Variants in MTUS2 observed in about 807,000 individuals in gnomAD.
MTUS2 encodes microtubule-associated tumor suppressor candidate 2.
Under a neutral mutation model 114.1 loss-of-function variants are expected in MTUS2, and 40 were observed. The ratio of observed to expected loss-of-function variants is 0.35; its 90% CI spans 0.27 to 0.46. MTUS2 has a LOEUF of 0.46. MTUS2 is among the 20% of genes least tolerant of loss of function. The pLI is 1.00. For missense variants in MTUS2, 1,679 were observed against 1,705.4 expected (o/e 0.98, Z 0.27); for synonymous variants, 688 against 672.0 (o/e 1.02, Z -0.37).
chr13:29,257,165 A>G (rs1897307053), intron 5 of MTUS2, among the ~76,000 whole-genome samples: 1 of 152,070 alleles, frequency 6.6e-6, no homozygotes, highest in South Asian at 2.1e-4. Context: ...CCCTATTCAA[A>G]TCCATTTTCC....
At chr13:28,821,935 G>A (rs370418603) in intron 1 of MTUS2, among the ~76,000 whole-genome samples, 5 of 152,132 alleles carry the variant, frequency 3.3e-5, no homozygotes, top group African/African-American at 1.2e-4. Context: ...TGTTTATTAG[G>A]GACCCATAAT....
At chr13:28,824,615 C>G (rs1312087921) in intron 1 of MTUS2, among the ~76,000 whole-genome samples, 1 of 152,080 alleles carries the variant, frequency 6.6e-6, no homozygotes, top group African/African-American at 2.4e-5. Context: ...CTTTCTCTCA[C>G]TGCAGTTGTA....
intron 7 of MTUS2, among the ~76,000 whole-genome samples, chr13:29,346,381 G>A (rs1442040887): frequency 6.6e-6 from 1 of 152,136 alleles, no homozygotes; most frequent in African/African-American, 2.4e-5. Context: ...GCTTCCTGTG[G>A]CTGTTGTGGA....
At chr13:28,854,737 A>G (rs1271886023) in intron 2 of MTUS2, among the ~76,000 whole-genome samples, 1 of 152,184 alleles carries the variant, frequency 6.6e-6, no homozygotes. Context: ...AAAACCAGCT[A>G]TATTCCGCTT....
intron 2 of MTUS2, among the ~76,000 whole-genome samples, chr13:28,899,840 T>C (rs1390052734): frequency 6.6e-6 from 1 of 152,148 alleles, no homozygotes; most frequent in Non-Finnish European, 1.5e-5. Flanking sequence ...GGCTGCCCGA[T>C]TCATGAATTG....
At chr13:28,926,147 G>A (rs754776668) in intron 2 of MTUS2, among the ~76,000 whole-genome samples, 7 of 152,126 alleles carry the variant, frequency 4.6e-5, no homozygotes, top group Non-Finnish European at 7.3e-5. Context: ...TCAAATTGGA[G>A]GCAAGCTATT....
intron 5 of MTUS2, among the ~76,000 whole-genome samples, chr13:29,162,268 G>T (rs1282152260): frequency 6.6e-6 from 1 of 152,188 alleles, no homozygotes; most frequent in Non-Finnish European, 1.5e-5. Flanking sequence ...CAGGGTCTGG[G>T]TGAACGTGAA....
chr13:29,041,444 C>T (rs1328267368), intron 4 of MTUS2, among the ~76,000 whole-genome samples: 1 of 152,042 alleles, frequency 6.6e-6, no homozygotes, highest in Non-Finnish European at 1.5e-5. Context: ...TTTTTTGGTT[C>T]TATATGAATT....
intron 6 of MTUS2, among the ~76,000 whole-genome samples, chr13:29,304,551 A>T (rs1385713457): frequency 1.3e-5 from 2 of 152,248 alleles, no homozygotes; most frequent in Non-Finnish European, 2.9e-5. Context: ...AGGGCATTAC[A>T]TAATGGTAAA....
chr13:29,011,333 T>C (rs1407416508), intron 2 of MTUS2, among the ~76,000 whole-genome samples: 2 of 152,358 alleles, frequency 1.3e-5, no homozygotes, highest in African/African-American at 4.8e-5. Flanking sequence ...CTAAACGCCA[T>C]CCTGAAAATG....
chr13:29,239,644 G>A (rs1896662062), intron 5 of MTUS2: 1 of 152,210 alleles, frequency 6.6e-6, no homozygotes, highest in South Asian at 2.1e-4. Flanking sequence ...ACAGAACTGT[G>A]ATGTAATGGA....
chr13:29,148,212 T>C lies in MTUS2; in HGVS notation c.2644+47242T>C, dbSNP rs562629030. Among the ~76,000 whole-genome samples, 295 of 152,228 alleles carry C rather than the reference T, an allele frequency of 1.9e-3. 2 individuals are homozygous for C. The highest frequency in any genetic ancestry group is 6.3e-3 in the African/African-American group (263 of 41,530). On this transcript the variant is annotated intron_variant, in intron 5 of 15. Transcript: ENST00000612955. Reference sequence around the variant, plus strand: ...TAGTGATGTTGAGCTTTTTTTTTTTTTCATTTCCAACTTTTATTTTAAGTG... The same window carrying C: ...TAGTGATGTTGAGCTTTTTTTTTTTCTCATTTCCAACTTTTATTTTAAGTG...
At chr13:29,103,708 T>A (rs1406671710) in intron 5 of MTUS2, among the ~76,000 whole-genome samples, 1 of 152,230 alleles carries the variant, frequency 6.6e-6, no homozygotes, top group Non-Finnish European at 1.5e-5. Context: ...AAGACGTCAC[T>A]AGGCAATAGG....
At chr13:28,877,211 A>G (rs1593264467) in intron 2 of MTUS2, among the ~76,000 whole-genome samples, 2 of 151,100 alleles carry the variant, frequency 1.3e-5, no homozygotes, top group African/African-American at 2.4e-5. Context: ...CCAGCTACTC[A>G]GGAGGCTGAG....
intron 7 of MTUS2, among the ~76,000 whole-genome samples, chr13:29,349,090 C>CTTTCT (rs1389480855): frequency 6.6e-6 from 1 of 151,888 alleles, no homozygotes; most frequent in African/African-American, 2.4e-5. Flanking sequence ...CCCATATGTT[C>CTTTCT]TTTCTTTTCT....
chr13:29,335,363 G>A (rs1165892806), intron 7 of MTUS2, among the ~76,000 whole-genome samples: 2 of 152,150 alleles, frequency 1.3e-5, no homozygotes, highest in African/African-American at 4.8e-5. Flanking sequence ...CCTGTCTCCT[G>A]ATAAGATGTT....
intron 2 of MTUS2, among the ~76,000 whole-genome samples, chr13:28,895,483 A>G (rs979113564): frequency 3.9e-5 from 6 of 152,178 alleles, no homozygotes; most frequent in Non-Finnish European, 8.8e-5. Flanking sequence ...ATTAATTCAG[A>G]CAATTAGAGA....
chr13:28,830,285 G>C (rs980987881), intron 1 of MTUS2, among the ~76,000 whole-genome samples: 1 of 151,814 alleles, frequency 6.6e-6, no homozygotes, highest in Admixed American at 6.6e-5. Flanking sequence ...GGCCATAACA[G>C]GAAAAACAAA....
intron 2 of MTUS2, among the ~76,000 whole-genome samples, chr13:29,000,466 A>G (rs146703743): frequency 0.018 from 2,684 of 151,958 alleles, 80 homozygotes; most frequent in African/African-American, 0.061. Flanking sequence ...GGGTTTAAGC[A>G]ATTTTCCTGC....
Sources: allele counts gnomAD v4.1 joint callset (sites outside exome capture counted in the v4.1 genomes callset), GRCh38; gene constraint gnomAD v4.1.1; transcripts MANE v1.5; gene names NCBI Gene and HGNC (gene_info 2026-07-23, HGNC 2026-07-21).